Variants in TENM2 observed in about 807,000 individuals in gnomAD.
TENM2 encodes teneurin-2.
A neutral mutation model predicts 245.2 loss-of-function variants in TENM2; 52 were observed. The ratio of observed to expected loss-of-function variants is 0.21; its 90% CI spans 0.17 to 0.27. The LOEUF (loss-of-function observed/expected upper bound fraction) is 0.27. TENM2 is among the 10% of genes least tolerant of loss of function. The pLI, the probability that TENM2 is intolerant of heterozygous loss-of-function variation, is 1.00. For missense variants in TENM2, 3,046 were observed against 3,666.8 expected (o/e 0.83, Z 4.37); for synonymous variants, 1,363 against 1,438.9 (o/e 0.95, Z 1.19).
At chr5:167,094,566 A>T in the TENM2 span, among the ~76,000 whole-genome samples, 178 of 152,324 alleles carry the variant, frequency 1.2e-3, no homozygotes, top group African/African-American at 4.2e-3. Context: ...GTCTAAATCT[A>T]TCACTAATTT....
intron 7 of TENM2, among the ~76,000 whole-genome samples, chr5:168,082,322 G>A (rs1250354056): frequency 2.6e-5 from 4 of 152,246 alleles, no homozygotes; most frequent in East Asian, 3.9e-4. Flanking sequence ...ATTCTAGTTA[G>A]CCATTCGTCT....
chr5:167,227,863 C>G, the TENM2 span, among the ~76,000 whole-genome samples: 3 of 152,140 alleles, frequency 2.0e-5, no homozygotes, highest in Admixed American at 6.5e-5. Context: ...CTTTCATTCT[C>G]TCTTTACAAC....
At chr5:168,133,581 G>A (rs986098572) in intron 12 of TENM2, among the ~76,000 whole-genome samples, 1 of 152,214 alleles carries the variant, frequency 6.6e-6, no homozygotes, top group African/African-American at 2.4e-5. Context: ...AGATACAGCA[G>A]AGTGCTGCCC....
intron 2 of TENM2, among the ~76,000 whole-genome samples, chr5:167,596,518 G>A (rs1360288724): frequency 1.3e-5 from 2 of 152,166 alleles, no homozygotes; most frequent in African/African-American, 4.8e-5. Flanking sequence ...TGCAGGCCGG[G>A]CGCGGTGGCT....
At chr5:167,458,486 CAAAAAAACAAAAA>C (rs1342795370) in intron 2 of TENM2, among the ~76,000 whole-genome samples, 3 of 35,760 alleles carry the variant, frequency 8.4e-5, no homozygotes, top group African/African-American at 3.2e-4. Flanking sequence ...GACTCCGTCT[CAAAAAAACAAAAA>C]AAAAAAAAAA....
chr5:167,431,932 TATATATAC>T, intron 2 of TENM2, among the ~76,000 whole-genome samples: 1 of 95,612 alleles, frequency 1.0e-5, no homozygotes, highest in African/African-American at 3.7e-5. Flanking sequence ...TATATACATA[TATATATAC>T]ATATATATGT....
the TENM2 span, among the ~76,000 whole-genome samples, chr5:167,012,574 C>A: frequency 6.6e-6 from 1 of 151,984 alleles, no homozygotes; most frequent in Admixed American, 6.6e-5. Flanking sequence ...TAATGAGATA[C>A]AACCACACAT....
intron 3 of TENM2, among the ~76,000 whole-genome samples, chr5:167,895,376 T>A (rs1250381311): frequency 1.3e-5 from 2 of 152,196 alleles, no homozygotes; most frequent in Admixed American, 1.3e-4. Flanking sequence ...TACTAGGCAT[T>A]TTAAGTTTGT....
chr5:167,169,048 G>A, the TENM2 span, among the ~76,000 whole-genome samples: 20 of 152,248 alleles, frequency 1.3e-4, no homozygotes, highest in African/African-American at 3.8e-4. Flanking sequence ...CGTGAGCCAC[G>A]TTGCCCAGCT....
chr5:167,989,699 G>A (rs1783525792), intron 4 of TENM2, among the ~76,000 whole-genome samples: 1 of 152,170 alleles, frequency 6.6e-6, no homozygotes, highest in South Asian at 2.1e-4. Flanking sequence ...GGGTTGGTGG[G>A]TAAGGTTTTC....
chr5:167,952,343 G>A lies in TENM2; in HGVS notation c.713-245G>A. On this transcript the variant is annotated intron_variant, in intron 3 of 28. Coordinates refer to ENST00000518659, the Ensembl canonical transcript of TENM2. ...CCTCTGGTCAGCCCTTATCCACCTG[G>A]TTTTGCTAAATTAGTTTCTCATTAT... 6.9e-6 allele frequency: 4 copies of A among 583,348 alleles called. No individual in the cohort carries two copies. The South Asian group carries it at 8.5e-5, about 12-fold the overall frequency. 36.1% of individuals were successfully genotyped at this position (583,348 alleles called of 1,614,324 possible).
chr5:166,996,815 G>A, the TENM2 span, among the ~76,000 whole-genome samples: 68 of 152,280 alleles, frequency 4.5e-4, no homozygotes, highest in African/African-American at 1.6e-3. Context: ...CTCTGAGGTG[G>A]GAAGGAGATA....
chr5:167,390,529 C>G (rs1761687166), intron 2 of TENM2, among the ~76,000 whole-genome samples: 1 of 152,068 alleles, frequency 6.6e-6, no homozygotes, highest in African/African-American at 2.4e-5. Flanking sequence ...GGTGGCCCTG[C>G]TATTGGTATT....
At chr5:168,143,113 C>T (rs191595127) in intron 12 of TENM2, among the ~76,000 whole-genome samples, 1 of 152,082 alleles carries the variant, frequency 6.6e-6, no homozygotes, top group Non-Finnish European at 1.5e-5. Context: ...AGGGGCTCAC[C>T]AAGTAAATAA....
the TENM2 span, among the ~76,000 whole-genome samples, chr5:167,089,882 G>A: frequency 1.3e-5 from 2 of 152,122 alleles, no homozygotes; most frequent in East Asian, 1.9e-4. Context: ...GGAGCTCAGC[G>A]AGGAAGGGGG....
intron 9 of TENM2, among the ~76,000 whole-genome samples, chr5:168,111,204 G>A (rs888637056): frequency 1.3e-5 from 2 of 152,166 alleles, no homozygotes; most frequent in Non-Finnish European, 2.9e-5. Flanking sequence ...TGAGTTTTTT[G>A]TCCTTCTGGA....
chr5:167,578,062 G>T (rs1362533769), intron 2 of TENM2, among the ~76,000 whole-genome samples: 1 of 152,190 alleles, frequency 6.6e-6, no homozygotes, highest in Non-Finnish European at 1.5e-5. Context: ...TATGATGGAG[G>T]GTCTTGAACG....
At chr5:168,074,326 G>A (rs1354774632) in intron 7 of TENM2, among the ~76,000 whole-genome samples, 1 of 152,084 alleles carries the variant, frequency 6.6e-6, no homozygotes, top group Non-Finnish European at 1.5e-5. Context: ...TCTTCAACCA[G>A]CAAACCACCA....
intron 1 of TENM2, among the ~76,000 whole-genome samples, chr5:167,287,028 A>G (rs1245325244): frequency 6.6e-6 from 1 of 152,218 alleles, no homozygotes; most frequent in African/African-American, 2.4e-5. Flanking sequence ...CATGAATTAA[A>G]AACTGTGCAG....
Sources: allele counts gnomAD v4.1 joint callset (sites outside exome capture counted in the v4.1 genomes callset), GRCh38; gene constraint gnomAD v4.1.1; transcripts MANE v1.5; gene names NCBI Gene and HGNC (gene_info 2026-07-23, HGNC 2026-07-21).